The following MALRD1 variants were observed in gnomAD, a reference collection of about 807,000 sequenced individuals.
MALRD1 encodes MAM and LDL receptor class A domain containing 1.
Under a neutral mutation model 242.1 loss-of-function variants are expected in MALRD1, and 247 were observed. That is an observed-to-expected ratio of 1.02 (90% confidence interval 0.92 to 1.13). MALRD1 has a LOEUF of 1.13. Ranked by LOEUF, MALRD1 falls within the 50% of genes most tolerant of loss-of-function variation. MALRD1 has a pLI of 0.00. For missense variants in MALRD1, 2,989 were observed against 2,533.1 expected, an observed-to-expected ratio of 1.18 and a Z score of -3.86; for synonymous variants, 995 against 866.6, an observed-to-expected ratio of 1.15 and a Z score of -2.60.
At chr10:19,310,466 AGAG>A (rs1456606715) in intron 21 of MALRD1, among the ~76,000 whole-genome samples, 1 of 151,612 alleles carries the variant, frequency 6.6e-6, no homozygotes, top group East Asian at 1.9e-4. Context: ...AGCTAGATAA[AGAG>A]GACCATTAGC....
At chr10:19,329,661 T>C (rs1326379810) in intron 23 of MALRD1, among the ~76,000 whole-genome samples, 1 of 152,204 alleles carries the variant, frequency 6.6e-6, no homozygotes, top group East Asian at 1.9e-4. Context: ...AGGCTGACTG[T>C]AGACAAGGTC....
chr10:19,683,346 T>C (rs892709189), intron 36 of MALRD1, among the ~76,000 whole-genome samples: 2 of 152,230 alleles, frequency 1.3e-5, no homozygotes, highest in Admixed American at 1.3e-4. Flanking sequence ...CCAGAATTTA[T>C]AGCAGAAAGC....
chr10:19,164,795 C>A (rs996497635), intron 12 of MALRD1, among the ~76,000 whole-genome samples: 2 of 152,126 alleles, frequency 1.3e-5, no homozygotes, highest in African/African-American at 4.8e-5. Context: ...CCTCTCTATT[C>A]TCTTCACTAT....
chr10:19,278,324 C>T (rs765326305), intron 19 of MALRD1, among the ~76,000 whole-genome samples: 1 of 152,202 alleles, frequency 6.6e-6, no homozygotes, highest in Non-Finnish European at 1.5e-5. Flanking sequence ...CATCAGCTTG[C>T]CACGGCATCT....
At chr10:19,548,980 A>G (rs1157328770) in intron 32 of MALRD1, among the ~76,000 whole-genome samples, 1 of 152,192 alleles carries the variant, frequency 6.6e-6, no homozygotes, top group African/African-American at 2.4e-5. Flanking sequence ...GAAGGAAGTT[A>G]AAAGTGCTAC....
chr10:19,267,096 G>C (rs971490696), intron 19 of MALRD1, among the ~76,000 whole-genome samples: 3 of 152,014 alleles, frequency 2.0e-5, no homozygotes, highest in Non-Finnish European at 4.4e-5. Flanking sequence ...GAGATAGCTA[G>C]TTTATTTAGA....
chr10:19,543,433 C>CTATTTTTTTTTTTT (rs778674889), intron 32 of MALRD1, among the ~76,000 whole-genome samples: 1 of 106,410 alleles, frequency 9.4e-6, no homozygotes, highest in African/African-American at 3.4e-5. Flanking sequence ...CAGCTGATTT[C>CTATTTTTTTTTTTT]TTTTTTTTTT....
intron 31 of MALRD1, among the ~76,000 whole-genome samples, chr10:19,500,876 A>G (rs981764760): frequency 5.3e-5 from 8 of 152,136 alleles, no homozygotes; most frequent in African/African-American, 1.9e-4. Context: ...CTGTGGATGC[A>G]TCAGTGAATG....
intron 12 of MALRD1, among the ~76,000 whole-genome samples, chr10:19,161,539 G>GAAAAAAAAGAAAAAA (rs1834406622): frequency 1.8e-5 from 1 of 56,688 alleles, no homozygotes; most frequent in South Asian, 8.7e-4. Context: ...TAAAAATAAA[G>GAAAAAAAAGAAAAAA]AAAAAAAAAG....
chr10:19,340,464 G>A lies in MALRD1; in HGVS notation c.3902-7307G>A, dbSNP rs1042380013. 3.3e-5 allele frequency among the ~76,000 whole-genome samples: 5 copies of A among 151,838 alleles called. No individual in the cohort carries two copies. The East Asian group carries it at 9.7e-4, about 29-fold the overall frequency. ...AGGCTTGAGCCAGCAGCTACCTAAG[G>A]CATGTTCTTTGAGCAAAAAATAGGA... On this transcript the variant is annotated intron_variant, in intron 24 of 39. Coordinates refer to ENST00000454679, the MANE Select transcript of MALRD1 (RefSeq NM_001142308.3).
chr10:19,301,446 A>G (rs1254161964), intron 21 of MALRD1, among the ~76,000 whole-genome samples: 1 of 151,920 alleles, frequency 6.6e-6, no homozygotes, highest in Non-Finnish European at 1.5e-5. Context: ...CACAATAACA[A>G]AGACATGGAA....
intron 33 of MALRD1, among the ~76,000 whole-genome samples, chr10:19,592,753 A>ACGCG (rs1324401460): frequency 6.0e-5 from 7 of 116,224 alleles, no homozygotes; most frequent in Admixed American, 2.0e-4. Flanking sequence ...ACACACACAC[A>ACGCG]CACACACACG....
chr10:19,242,077 C>T (rs896437650), intron 18 of MALRD1, among the ~76,000 whole-genome samples: 7 of 152,118 alleles, frequency 4.6e-5, no homozygotes, highest in African/African-American at 7.2e-5. Context: ...CTGATAAAGA[C>T]ATACCTGAGA....
intron 13 of MALRD1, among the ~76,000 whole-genome samples, chr10:19,171,751 C>T (rs184239169): frequency 3.2e-4 from 38 of 119,728 alleles, no homozygotes; most frequent in South Asian, 4.8e-4. Context: ...ATATAATATA[C>T]GATATATATA....
chr10:19,248,026 A>G (rs1203214001), intron 18 of MALRD1, among the ~76,000 whole-genome samples: 2 of 152,022 alleles, frequency 1.3e-5, no homozygotes, highest in Non-Finnish European at 2.9e-5. Context: ...GCCTTATTTG[A>G]GCATGGTGTG....
At chr10:19,554,177 T>C (rs140619269) in intron 32 of MALRD1, among the ~76,000 whole-genome samples, 2 of 152,100 alleles carry the variant, frequency 1.3e-5, no homozygotes, top group Admixed American at 6.5e-5. Context: ...TGAAGTTGAG[T>C]AGTTTATAAA....
intron 18 of MALRD1, among the ~76,000 whole-genome samples, chr10:19,236,747 A>G (rs958825776): frequency 1.3e-5 from 2 of 152,242 alleles, no homozygotes; most frequent in South Asian, 2.1e-4. Flanking sequence ...TTTATTTCAG[A>G]TACGTTTTTC....
At chr10:19,492,616 A>G (rs939130074) in intron 30 of MALRD1, among the ~76,000 whole-genome samples, 4 of 152,190 alleles carry the variant, frequency 2.6e-5, no homozygotes, top group African/African-American at 7.2e-5. Context: ...GTGGTAAGCC[A>G]TTGTACACAG....
intron 25 of MALRD1, among the ~76,000 whole-genome samples, chr10:19,349,411 C>G (rs1040357489): frequency 6.6e-6 from 1 of 152,202 alleles, no homozygotes; most frequent in African/African-American, 2.4e-5. Flanking sequence ...TCTGTCTCAT[C>G]ATGAGTTGAC....
Sources: gnomAD v4.1 joint callset for allele counts (sites outside exome capture counted in the v4.1 genomes callset) on GRCh38, gnomAD v4.1.1 for gene constraint, MANE v1.5 for transcripts, NCBI Gene and HGNC (gene_info 2026-07-23, HGNC 2026-07-21) for gene names.